The following ADGRV1 variants were observed in gnomAD, a reference collection of about 807,000 sequenced individuals.
ADGRV1 encodes the protein adhesion G protein-coupled receptor V1, also known as G-protein coupled receptor 98.
In ADGRV1, 359 loss-of-function variants were observed where a neutral mutation model predicts 596.2. The ratio of observed to expected loss-of-function variants is 0.60; its 90% confidence interval spans 0.55 to 0.66. ADGRV1 has a LOEUF of 0.66. ADGRV1 is among the 30% of genes least tolerant of loss of function. ADGRV1 has a pLI of 0.00. For missense variants in ADGRV1, 7,274 were observed against 7,575.6 expected, an observed-to-expected ratio of 0.96 and a Z score of 1.48; for synonymous variants, 2,681 against 2,679.2, an observed-to-expected ratio of 1.00 and a Z score of -0.02.
intron 59 of ADGRV1, among the ~76,000 whole-genome samples, chr5:90,765,471 A>ACACACAC (rs1561684844): frequency 8.8e-6 from 1 of 113,602 alleles, no homozygotes; most frequent in African/African-American, 4.0e-5. Flanking sequence ...ACACACACAC[A>ACACACAC]AACTCTAGAT....
At chr5:90,759,619 T>C (rs1408536727) in intron 58 of ADGRV1, 31 bp downstream of exon 58, 1 of 1,585,646 alleles carries the variant, frequency 6.3e-7, no homozygotes, top group Admixed American at 1.7e-5. Context: ...GAAAGCCTTG[T>C]TTCAGGCTAG....
intron 89 of ADGRV1, among the ~76,000 whole-genome samples, chr5:91,155,791 G>A (rs1010156316): frequency 1.3e-5 from 2 of 152,142 alleles, no homozygotes; most frequent in African/African-American, 4.8e-5. Flanking sequence ...GAAAGAAATG[G>A]CATGTTCCTA....
intron 50 of ADGRV1, among the ~76,000 whole-genome samples, chr5:90,743,890 T>C (rs1016793397): frequency 5.9e-5 from 9 of 152,212 alleles, no homozygotes; most frequent in African/African-American, 1.7e-4. Context: ...TTTAGTATTG[T>C]ATATAATATA....
chr5:90,675,116 T>A, intron 23 of ADGRV1, 127 bp from the exon 24 acceptor site: 1 of 640,104 alleles, frequency 1.6e-6, no homozygotes, highest in Non-Finnish European at 2.6e-6. Context: ...GCTAAAATAT[T>A]TTCTAAATAA....
chr5:90,714,110 A>C (rs13183331), intron 42 of ADGRV1, among the ~76,000 whole-genome samples: 9,710 of 152,212 alleles, frequency 0.064, 418 homozygotes, highest in Non-Finnish European at 0.088. Flanking sequence ...GTTACATTTC[A>C]ATGTGTACAT....
chr5:90,609,514 G>A (rs1762488777), intron 1 of ADGRV1, among the ~76,000 whole-genome samples: 1 of 141,830 alleles, frequency 7.1e-6, no homozygotes, highest in Admixed American at 6.9e-5. Context: ...AGAGGGCAAA[G>A]ATCATTTTTT....
At chr5:90,850,442 T>C (rs960797048) in intron 79 of ADGRV1, among the ~76,000 whole-genome samples, 2 of 152,212 alleles carry the variant, frequency 1.3e-5, no homozygotes, top group African/African-American at 4.8e-5. Flanking sequence ...TTAGTGCCTC[T>C]TATAAATGTC....
At chr5:90,687,017 T>G (rs1416602969) in intron 29 of ADGRV1, among the ~76,000 whole-genome samples, 2 of 152,186 alleles carry the variant, frequency 1.3e-5, no homozygotes, top group Admixed American at 1.3e-4. Flanking sequence ...TGTCTTCTTT[T>G]GAGAAGTGTC....
chr5:90,701,125 C>T (rs1441470637), intron 34 of ADGRV1, among the ~76,000 whole-genome samples: 1 of 152,040 alleles, frequency 6.6e-6, no homozygotes, highest in African/African-American at 2.4e-5. Context: ...GATGATCGTC[C>T]AGTTATGTAG....
intron 61 of ADGRV1, 23 bp downstream of exon 61, chr5:90,776,599 T>A (rs1397677120): frequency 6.2e-7 from 1 of 1,612,478 alleles, no homozygotes; most frequent in Admixed American, 1.7e-5. Flanking sequence ...TGATTTTTCT[T>A]TGCCTATATG....
intron 83 of ADGRV1, among the ~76,000 whole-genome samples, chr5:90,875,974 C>A (rs959181508): frequency 8.5e-5 from 13 of 152,084 alleles, no homozygotes; most frequent in Non-Finnish European, 1.9e-4. Context: ...AAGGTTATTA[C>A]ATTGTTAGTA....
At chr5:90,815,997 C>T (rs1762853838) in intron 75 of ADGRV1, among the ~76,000 whole-genome samples, 2 of 152,120 alleles carry the variant, frequency 1.3e-5, no homozygotes, top group African/African-American at 4.8e-5. Flanking sequence ...CATCATATTG[C>T]CTATTATCTG....
intron 1 of ADGRV1, among the ~76,000 whole-genome samples, chr5:90,572,378 A>G (rs1756640967): frequency 6.6e-6 from 1 of 152,130 alleles, no homozygotes; most frequent in South Asian, 2.1e-4. Context: ...AAAATAAAAT[A>G]AAGTAAAATA....
chr5:91,037,402 T>A (rs559316819), intron 85 of ADGRV1, among the ~76,000 whole-genome samples: 1 of 152,190 alleles, frequency 6.6e-6, no homozygotes, highest in East Asian at 1.9e-4. Context: ...TTGCAAGCCA[T>A]GCAGAAACAA....
chr5:91,083,266 T>A (rs1388959319), intron 86 of ADGRV1, among the ~76,000 whole-genome samples: 1 of 151,898 alleles, frequency 6.6e-6, no homozygotes, highest in Non-Finnish European at 1.5e-5. Context: ...GGGGGAGGGA[T>A]AGCATTAGGA....
intron 83 of ADGRV1, among the ~76,000 whole-genome samples, chr5:90,960,860 G>C (rs115257299): frequency 0.013 from 1,958 of 152,250 alleles, 23 homozygotes; most frequent in Non-Finnish European, 0.019. Flanking sequence ...AATGGTGTAC[G>C]AAGAGTCTTA....
intron 74 of ADGRV1, among the ~76,000 whole-genome samples, chr5:90,813,167 T>TAAAAAAAAAAAAAAAAAAA (rs1561786626): frequency 9.6e-6 from 1 of 104,338 alleles, no homozygotes; most frequent in East Asian, 3.1e-4. Flanking sequence ...AAAAAAAATT[T>TAAAAAAAAAAAAAAAAAAA]ATTTGGCAGT....
At chr5:91,094,854 A>C (rs1447068614) in intron 86 of ADGRV1, among the ~76,000 whole-genome samples, 1 of 152,178 alleles carries the variant, frequency 6.6e-6, no homozygotes, top group Non-Finnish European at 1.5e-5. Context: ...GCAGATTCAG[A>C]AAGAGTTGGC....
intron 84 of ADGRV1, among the ~76,000 whole-genome samples, chr5:90,981,817 G>A (rs1780099361): frequency 1.3e-5 from 2 of 152,342 alleles, no homozygotes; most frequent in East Asian, 1.9e-4. Flanking sequence ...GTACAGAAGT[G>A]CACAGGGAGC....
Sources: gnomAD v4.1 joint callset for allele counts (sites outside exome capture counted in the v4.1 genomes callset) on GRCh38, gnomAD v4.1.1 for gene constraint, MANE v1.5 for transcripts, NCBI Gene and HGNC (gene_info 2026-07-23, HGNC 2026-07-21) for gene names.